Variants in AKAP13 observed in about 807,000 individuals in gnomAD.
AKAP13 encodes A-kinase anchor protein 13.
In AKAP13, 80 loss-of-function variants were observed where a neutral mutation model predicts 264.5. The observed-to-expected ratio is 0.30, with a 90% CI of 0.25 to 0.36. The LOEUF (loss-of-function observed/expected upper bound fraction) is 0.36. Ranked by LOEUF, AKAP13 falls within the 10% of genes least tolerant of loss-of-function variation. The pLI, the probability that AKAP13 is intolerant of heterozygous loss-of-function variation, is 1.00. For synonymous variants in AKAP13, 1,380 were observed against 1,250.2 expected, an observed-to-expected ratio of 1.10 and a Z score of -2.19; for missense variants, 3,712 against 3,435.2, an observed-to-expected ratio of 1.08 and a Z score of -2.01.
At chr15:85,445,746 G>C (rs1327905604) in intron 1 of AKAP13, among the ~76,000 whole-genome samples, 1 of 152,150 alleles carries the variant, frequency 6.6e-6, no homozygotes, top group Non-Finnish European at 1.5e-5. Context: ...CAAACAGAGA[G>C]AGCTAAAAAT....
chr15:85,701,619 T>C (rs372498502), intron 17 of AKAP13, among the ~76,000 whole-genome samples: 1 of 150,810 alleles, frequency 6.6e-6, no homozygotes, highest in South Asian at 2.1e-4. Context: ...TTTTTTTGTA[T>C]TTTTATTAGA....
At position 85,724,506 on chromosome 15, in the gene AKAP13, C is replaced by T. The variant is rs1171589746; in HGVS notation, c.6745+1186C>T. On this transcript the variant is annotated intron_variant, in intron 26 of 36. Coordinates refer to ENST00000394518, the MANE Select transcript of AKAP13 (RefSeq NM_007200.5). This position sits in a 1 kb window ranked among gnomAD's most constrained non-coding sequence, Gnocchi z 4.2. ...GCACATCCAGGGAAGAGTGGACACC[C>T]GGGACTCTCACGTGAGAGAGCAGAG... 2.0e-4 allele frequency among the ~76,000 whole-genome samples: 4 copies of T among 19,514 alleles called. No individual in the cohort carries two copies. Among genetic ancestry groups the T allele is most frequent in the South Asian group, 1.3e-3 (1 of 752 alleles). 12.8% of individuals were successfully genotyped at this position (19,514 alleles called of 152,430 possible). A position where few individuals can be genotyped will look rare whatever the true frequency, so the allele number is the denominator to read the frequency against.
intron 7 of AKAP13, chr15:85,583,108 C>T (rs2079192764): frequency 2.0e-6 from 2 of 985,336 alleles, no homozygotes; most frequent in African/African-American, 3.5e-5. Flanking sequence ...ATACCACCAC[C>T]TGTTACCAGC....
At chr15:85,662,275 C>A in intron 12 of AKAP13, 1 of 993,364 alleles carries the variant, frequency 1.0e-6, no homozygotes, top group Non-Finnish European at 1.5e-6. Flanking sequence ...TTTTGTTGAT[C>A]GCATAAATCC....
intron 1 of AKAP13, among the ~76,000 whole-genome samples, chr15:85,420,183 C>T (rs1472216645): frequency 3.3e-5 from 5 of 151,750 alleles, no homozygotes; most frequent in South Asian, 2.1e-4. Context: ...CCTCGTGATC[C>T]GCCCGCCTCG....
At chr15:85,471,206 G>T (rs2074947712) in intron 1 of AKAP13, among the ~76,000 whole-genome samples, 1 of 152,136 alleles carries the variant, frequency 6.6e-6, no homozygotes, top group South Asian at 2.1e-4. Context: ...TTAAAAATCT[G>T]CCTTATTGGC....
At chr15:85,423,288 C>T (rs536736608) in intron 1 of AKAP13, among the ~76,000 whole-genome samples, 1 of 152,190 alleles carries the variant, frequency 6.6e-6, no homozygotes, top group Non-Finnish European at 1.5e-5. Flanking sequence ...TAGCATTTTG[C>T]CCACAGTAGA....
chr15:85,499,867 ATGTTCCT>A (rs1188205748), intron 2 of AKAP13, among the ~76,000 whole-genome samples: 1 of 151,896 alleles, frequency 6.6e-6, no homozygotes, highest in Non-Finnish European at 1.5e-5. Context: ...TCCGTTTATT[ATGTTCCT>A]TGAGGGTAGG....
chr15:85,388,892 A>G (rs530009674), intron 1 of AKAP13, among the ~76,000 whole-genome samples: 1 of 152,356 alleles, frequency 6.6e-6, no homozygotes, highest in South Asian at 2.1e-4. Flanking sequence ...AAACACAAGA[A>G]CCATTGCTTT....
intron 18 of AKAP13, among the ~76,000 whole-genome samples, chr15:85,709,283 T>A (rs2086492865): frequency 6.6e-6 from 1 of 152,194 alleles, no homozygotes; most frequent in Non-Finnish European, 1.5e-5. Context: ...TACCCATCTT[T>A]ATTTATTATT....
intron 19 of AKAP13, among the ~76,000 whole-genome samples, chr15:85,711,118 C>T (rs1218305160): frequency 2.6e-5 from 4 of 152,188 alleles, no homozygotes; most frequent in African/African-American, 7.2e-5. Flanking sequence ...CTGGTTCAAG[C>T]GATTCTCCTG....
At chr15:85,415,455 A>C in intron 1 of AKAP13, 1 of 1,602,288 alleles carries the variant, frequency 6.2e-7, no homozygotes, top group Non-Finnish European at 8.5e-7. Flanking sequence ...TGAAGAAACC[A>C]CAGCTGATGG....
intron 17 of AKAP13, among the ~76,000 whole-genome samples, chr15:85,704,264 C>T (rs1168676990): frequency 1.3e-5 from 2 of 152,176 alleles, no homozygotes; most frequent in African/African-American, 4.8e-5. Context: ...AAAGGTGGCT[C>T]GTTTCTGTGT....
At chr15:85,570,553 A>G (rs532972693) in intron 5 of AKAP13, among the ~76,000 whole-genome samples, 1 of 152,298 alleles carries the variant, frequency 6.6e-6, no homozygotes, top group Non-Finnish European at 1.5e-5. Context: ...TGAAGGAAAG[A>G]GGAAGAGGAA....
At chr15:85,427,479 C>T (rs1005447322) in intron 1 of AKAP13, among the ~76,000 whole-genome samples, 1 of 152,032 alleles carries the variant, frequency 6.6e-6, no homozygotes, top group Non-Finnish European at 1.5e-5. Context: ...GTATGCAAGT[C>T]TATCGACTCC....
chr15:85,484,836 G>A (rs117618293), intron 1 of AKAP13, among the ~76,000 whole-genome samples: 1 of 152,190 alleles, frequency 6.6e-6, no homozygotes, highest in Non-Finnish European at 1.5e-5. Flanking sequence ...GTTTTTGCAT[G>A]TATGAATGAC....
intron 4 of AKAP13, among the ~76,000 whole-genome samples, chr15:85,539,438 T>G (rs781779167): frequency 1.2e-4 from 18 of 152,212 alleles, no homozygotes; most frequent in Non-Finnish European, 1.9e-4. Flanking sequence ...TAGTCCAGAA[T>G]AGTACAAAGA....
chr15:85,723,352 G>A (rs1358809972), intron 26 of AKAP13, 32 bp downstream of exon 26: 1 of 1,602,110 alleles, frequency 6.2e-7, no homozygotes, highest in Admixed American at 1.7e-5. Flanking sequence ...TTAAGTATGT[G>A]CCCAGGTAAA....
In AKAP13 at chr15:85,730,655, C is replaced by A. The variant is rs116407615; in HGVS notation, c.7230C>A (p.Asn2410Lys). ...GCCCTAGAGTTCTCTTCCGCTCCAA[C>A]ACAGAAGAGGCTCTCAAAGGAGGAC... The part of the protein sequence containing the change: ...THSPRVLFRS[N>K]TEEALKGGPL... The change falls in exon 30 of 37, where the codon AAC (asparagine) becomes AAA (lysine). Residue 2410 changes from asparagine (N) to lysine (K), a missense_variant. Asn to Lys is a moderately conservative substitution (Grantham distance 94). Transcript: ENST00000394518. 3.9e-5 allele frequency: 63 copies of A among 1,614,144 alleles called. 2 individuals carry two copies. The African/African-American group carries it at 6.8e-4, about 17-fold the overall frequency.
Sources: gnomAD v4.1 joint callset for allele counts (sites outside exome capture counted in the v4.1 genomes callset) on GRCh38, gnomAD v4.1.1 for gene constraint, Gnocchi (gnomAD v3.1) non-coding constraint, MANE v1.5 for transcripts, NCBI Gene and HGNC (gene_info 2026-07-23, HGNC 2026-07-21) for gene names.